Variants in TMEM132B observed in about 807,000 individuals in gnomAD.
TMEM132B encodes transmembrane protein 132B.
TMEM132B carries 18 observed loss-of-function variants against 90.8 expected under a neutral mutation model. The ratio of observed to expected loss-of-function variants is 0.20; its 90% CI spans 0.14 to 0.29. The LOEUF (loss-of-function observed/expected upper bound fraction) is 0.29, where lower values mean the gene tolerates loss of function less well. TMEM132B is among the 10% of genes least tolerant of loss of function. The pLI is 1.00. For missense variants in TMEM132B, 1,096 were observed against 1,326.8 expected, an observed-to-expected ratio of 0.83 and a Z score of 2.70; for synonymous variants, 504 against 523.3, an observed-to-expected ratio of 0.96 and a Z score of 0.50.
At chr12:125,448,589 T>C (rs1371429407) in intron 3 of TMEM132B, among the ~76,000 whole-genome samples, 4 of 152,244 alleles carry the variant, frequency 2.6e-5, no homozygotes, top group African/African-American at 9.6e-5. Flanking sequence ...ATTTATTGTC[T>C]ATTCACCTGT....
At chr12:125,496,700 G>A (rs1023895925) in intron 3 of TMEM132B, among the ~76,000 whole-genome samples, 1 of 152,126 alleles carries the variant, frequency 6.6e-6, no homozygotes, top group African/African-American at 2.4e-5. Flanking sequence ...ATTCTCTCTG[G>A]CCTTCATTCT....
At chr12:125,614,210 T>G (rs1424089876) in intron 5 of TMEM132B, among the ~76,000 whole-genome samples, 1 of 152,174 alleles carries the variant, frequency 6.6e-6, no homozygotes, top group Non-Finnish European at 1.5e-5. Context: ...ACATGGAGTG[T>G]GGATCCTGTC....
chr12:125,480,168 A>T (rs1391116265), intron 3 of TMEM132B, among the ~76,000 whole-genome samples: 5 of 152,234 alleles, frequency 3.3e-5, no homozygotes, highest in Non-Finnish European at 7.3e-5. Context: ...AAAGATCTAA[A>T]ATCGACACCC....
At chr12:125,468,206 A>G (rs1449346812) in intron 3 of TMEM132B, among the ~76,000 whole-genome samples, 1 of 151,722 alleles carries the variant, frequency 6.6e-6, no homozygotes, top group Non-Finnish European at 1.5e-5. Flanking sequence ...GCAGGGCTGC[A>G]CCATTTTACA....
chr12:125,190,499 A>C (rs1049366336), intron 1 of TMEM132B, among the ~76,000 whole-genome samples: 2 of 84,842 alleles, frequency 2.4e-5, no homozygotes, highest in Admixed American at 2.5e-4. Flanking sequence ...GGTGATGGTG[A>C]TGGGAAGGGG....
At chr12:125,506,660 T>C (rs549364849) in intron 3 of TMEM132B, among the ~76,000 whole-genome samples, 2 of 152,354 alleles carry the variant, frequency 1.3e-5, no homozygotes, top group South Asian at 2.1e-4. Context: ...AAATACTTTA[T>C]CAAATACTAA....
chr12:125,523,624 A>G (rs116419494), intron 4 of TMEM132B, among the ~76,000 whole-genome samples: 4 of 152,194 alleles, frequency 2.6e-5, no homozygotes, highest in Admixed American at 2.0e-4. Context: ...ACACTTGCTT[A>G]TGCAGGATTC....
intron 5 of TMEM132B, among the ~76,000 whole-genome samples, chr12:125,608,823 T>G (rs373463527): frequency 6.6e-6 from 1 of 151,382 alleles, no homozygotes; most frequent in Admixed American, 6.6e-5. Context: ...AAAAGGCAGT[T>G]CTTTTCTCCC....
At chr12:125,479,276 G>A (rs1881975233) in intron 3 of TMEM132B, among the ~76,000 whole-genome samples, 1 of 152,200 alleles carries the variant, frequency 6.6e-6, no homozygotes, top group East Asian at 1.9e-4. Context: ...CACCTTATAT[G>A]TAAATGGACT....
At chr12:125,429,304 A>G (rs1275929173) in intron 3 of TMEM132B, among the ~76,000 whole-genome samples, 1 of 151,972 alleles carries the variant, frequency 6.6e-6, no homozygotes, top group African/African-American at 2.4e-5. Flanking sequence ...GGCTCAAGCA[A>G]TCCTCCTGCC....
rs758524242 is a variant in TMEM132B at position 125,460,218 on chromosome 12, C to G, written c.1106+44541C>G. Among the ~76,000 whole-genome samples the G allele has an allele frequency of 1.3e-5, 2 of 152,144 alleles. No homozygotes were observed. The highest frequency in any genetic ancestry group is 4.8e-5 in the African/African-American group (2 of 41,436). ...ATAAAAAAATAAAGCTGGCAGGGCA[C>G]GGTGGCTCACGCCTGTAATCCCAGC... On this transcript the variant is annotated intron_variant, in intron 3 of 8. Transcript: ENST00000682704. This position sits in a 1 kb window ranked among gnomAD's most constrained non-coding sequence, Gnocchi z 4.4.
intron 1 of TMEM132B, among the ~76,000 whole-genome samples, chr12:125,233,367 G>A (rs764344599): frequency 8.5e-5 from 13 of 152,114 alleles, no homozygotes; most frequent in Admixed American, 1.3e-4. Flanking sequence ...CATCCTCATG[G>A]TCACCTCATG....
At chr12:125,573,491 A>G (rs1197487439) in intron 4 of TMEM132B, among the ~76,000 whole-genome samples, 1 of 152,248 alleles carries the variant, frequency 6.6e-6, no homozygotes, top group Non-Finnish European at 1.5e-5. Context: ...AAACCTAACT[A>G]GAATTCAATC....
chr12:125,557,443 G>C (rs926673287), intron 4 of TMEM132B, among the ~76,000 whole-genome samples: 3 of 152,130 alleles, frequency 2.0e-5, no homozygotes, highest in African/African-American at 7.2e-5. Context: ...ATGAATGTTG[G>C]ATGTATAGCA....
intron 6 of TMEM132B, among the ~76,000 whole-genome samples, chr12:125,646,612 G>C (rs538527149): frequency 2.6e-4 from 40 of 152,284 alleles, no homozygotes; most frequent in African/African-American, 9.4e-4. Context: ...GGAATCCACA[G>C]TGCCAGGGGA....
chr12:125,413,158 G>A (rs1267879953), intron 2 of TMEM132B, among the ~76,000 whole-genome samples: 1 of 152,018 alleles, frequency 6.6e-6, no homozygotes, highest in Non-Finnish European at 1.5e-5. Context: ...GTAAAGTTGG[G>A]GCTTTCCTCC....
intron 1 of TMEM132B, among the ~76,000 whole-genome samples, chr12:125,240,870 G>A (rs553840637): frequency 4.5e-4 from 68 of 152,148 alleles, no homozygotes; most frequent in Non-Finnish European, 7.1e-4. Context: ...CCAAAATGCC[G>A]GGCCCTCGTC....
chr12:125,323,239 C>A (rs928848124), intron 1 of TMEM132B, among the ~76,000 whole-genome samples: 1 of 152,106 alleles, frequency 6.6e-6, no homozygotes, highest in Admixed American at 6.5e-5. Flanking sequence ...AGTTCGAGAC[C>A]AGCCTGGCCA....
intron 3 of TMEM132B, among the ~76,000 whole-genome samples, chr12:125,484,322 A>G (rs1018191979): frequency 6.6e-6 from 1 of 152,178 alleles, no homozygotes; most frequent in Non-Finnish European, 1.5e-5. Context: ...CCTCTTGGCA[A>G]CCATATCTGC....
Sources: gnomAD v4.1 joint callset for allele counts (sites outside exome capture counted in the v4.1 genomes callset) on GRCh38, gnomAD v4.1.1 for gene constraint, Gnocchi (gnomAD v3.1) non-coding constraint, MANE v1.5 for transcripts, NCBI Gene and HGNC (gene_info 2026-07-23, HGNC 2026-07-21) for gene names.